Variants in FRMD5 observed in about 807,000 individuals in gnomAD.
The protein encoded by FRMD5 is FERM domain-containing protein 5.
FRMD5 carries 20 observed loss-of-function variants against 69.0 expected under a neutral mutation model. The observed-to-expected ratio is 0.29, with a 90% CI of 0.20 to 0.42. FRMD5 has a LOEUF of 0.42. Ranked by LOEUF, FRMD5 falls within the 10% of genes least tolerant of loss-of-function variation. The probability of loss-of-function intolerance (pLI) is 1.00; values close to 1 mark genes in which losing one functional copy is unlikely to be tolerated. For synonymous variants in FRMD5, 271 were observed against 260.1 expected, an observed-to-expected ratio of 1.04 and a Z score of -0.40; for missense variants, 595 against 708.6, an observed-to-expected ratio of 0.84 and a Z score of 1.82.
chr15:44,179,553 A>G (rs890955359), intron 1 of FRMD5, among the ~76,000 whole-genome samples: 1 of 152,232 alleles, frequency 6.6e-6, no homozygotes, highest in African/African-American at 2.4e-5. Context: ...AGACCAGATC[A>G]TAGATGGAAG....
At chr15:44,002,166 C>G (rs1890243378) in intron 1 of FRMD5, among the ~76,000 whole-genome samples, 2 of 152,090 alleles carry the variant, frequency 1.3e-5, no homozygotes, top group Admixed American at 1.3e-4. Context: ...CTGCCCTGGC[C>G]CAGAATCAGC....
chr15:44,021,691 T>G (rs566536843), intron 1 of FRMD5, among the ~76,000 whole-genome samples: 3 of 152,062 alleles, frequency 2.0e-5, no homozygotes, highest in Admixed American at 6.6e-5. Context: ...AAACTAGAAC[T>G]CTTATATATG....
At chr15:44,048,238 A>G (rs892494488) in intron 1 of FRMD5, among the ~76,000 whole-genome samples, 1 of 152,142 alleles carries the variant, frequency 6.6e-6, no homozygotes, top group African/African-American at 2.4e-5. Context: ...TTGTCTATCC[A>G]TTTAATTATA....
chr15:44,104,817 C>G (rs2076692162), intron 1 of FRMD5, among the ~76,000 whole-genome samples: 1 of 152,156 alleles, frequency 6.6e-6, no homozygotes, highest in African/African-American at 2.4e-5. Flanking sequence ...TGACACATGA[C>G]TGTAACTGGA....
At chr15:43,884,366 CA>C (rs2088611102) in intron 12 of FRMD5, among the ~76,000 whole-genome samples, 1 of 152,154 alleles carries the variant, frequency 6.6e-6, no homozygotes, top group Non-Finnish European at 1.5e-5. Context: ...ATTTTAGAGC[CA>C]GTGTGGCAGG....
At chr15:44,013,532 A>C (rs1307123794) in intron 1 of FRMD5, among the ~76,000 whole-genome samples, 1 of 152,248 alleles carries the variant, frequency 6.6e-6, no homozygotes, top group Non-Finnish European at 1.5e-5. Context: ...TTGCTGAACA[A>C]ATGATTGAAT....
intron 1 of FRMD5, among the ~76,000 whole-genome samples, chr15:44,171,710 G>T (rs2077807027): frequency 6.6e-6 from 1 of 152,078 alleles, no homozygotes. Context: ...ATGAATGATT[G>T]CTATGAACAA....
chr15:44,094,669 G>C (rs886741056), intron 1 of FRMD5, among the ~76,000 whole-genome samples: 4 of 152,064 alleles, frequency 2.6e-5, no homozygotes, highest in Non-Finnish European at 4.4e-5. Flanking sequence ...TAAAAGTTTT[G>C]TGTCATAATG....
chr15:44,150,188 C>T (rs1045879608), intron 1 of FRMD5, among the ~76,000 whole-genome samples: 2 of 152,080 alleles, frequency 1.3e-5, no homozygotes, highest in African/African-American at 4.8e-5. Flanking sequence ...GAAAAATCCA[C>T]AGCAAATATC....
At chr15:44,100,049 T>C (rs537912475) in intron 1 of FRMD5, among the ~76,000 whole-genome samples, 12 of 139,814 alleles carry the variant, frequency 8.6e-5, no homozygotes, top group Admixed American at 3.6e-4. Context: ...CTTCTTCTCT[T>C]TTTTTTTTTT....
chr15:44,099,716 C>T (rs1243975401), intron 1 of FRMD5, among the ~76,000 whole-genome samples: 3 of 152,122 alleles, frequency 2.0e-5, no homozygotes, highest in Non-Finnish European at 2.9e-5. Flanking sequence ...ATCTTTTATC[C>T]TCTACTTGCA....
In FRMD5 at chr15:44,026,473, C is replaced by T. The variant is rs562251523; in HGVS notation, c.103-102164G>A. ...TTTTTTTCCCTTTCCACATTTATAG[C>T]ACATGAACAATTACTTTAAAAGTGA... On this transcript the variant is annotated intron_variant, in intron 1 of 13. Coordinates refer to ENST00000417257, the MANE Select transcript of FRMD5 (RefSeq NM_032892.5). 3.3e-5 allele frequency among the ~76,000 whole-genome samples: 5 copies of T among 152,246 alleles called. 1 individual carries two copies. Among genetic ancestry groups the T allele is most frequent in the African/African-American group, 1.2e-4 (5 of 41,544 alleles).
intron 1 of FRMD5, among the ~76,000 whole-genome samples, chr15:44,015,172 G>A (rs1305888197): frequency 1.3e-5 from 2 of 149,850 alleles, no homozygotes; most frequent in South Asian, 2.1e-4. Flanking sequence ...GTCTCACTCT[G>A]TTGCCTAGGC....
chr15:44,023,184 G>A (rs1891287034), intron 1 of FRMD5, among the ~76,000 whole-genome samples: 1 of 152,136 alleles, frequency 6.6e-6, no homozygotes, highest in Admixed American at 6.6e-5. Flanking sequence ...AGACGTTCTT[G>A]CCCCTGAAAT....
chr15:43,938,070 A>G (rs1020501396), intron 1 of FRMD5, among the ~76,000 whole-genome samples: 5 of 152,018 alleles, frequency 3.3e-5, no homozygotes, highest in African/African-American at 1.2e-4. Flanking sequence ...TCTCTACTAA[A>G]AACACAAAAA....
intron 1 of FRMD5, chr15:44,063,377 A>C (rs994520035): frequency 6.1e-6 from 1 of 162,906 alleles, no homozygotes; most frequent in African/African-American, 2.4e-5. Flanking sequence ...TATGTATTTT[A>C]ATATAAAACA....
intron 12 of FRMD5, 34 bp from the exon 13 acceptor site, chr15:43,883,843 G>A (rs775670072): frequency 6.7e-7 from 1 of 1,500,888 alleles, no homozygotes; most frequent in Admixed American, 1.7e-5. Flanking sequence ...TGTTAATTCA[G>A]TGCATGGACA....
chr15:43,924,385 A>G, intron 1 of FRMD5, 76 bp from the exon 2 acceptor site: 1 of 1,048,216 alleles, frequency 9.5e-7, no homozygotes, highest in Non-Finnish European at 1.5e-6. Context: ...ATAGCCATTA[A>G]AAGTTGTTTG....
chr15:44,060,978 AT>A (rs1404191242), intron 1 of FRMD5, among the ~76,000 whole-genome samples: 2 of 152,214 alleles, frequency 1.3e-5, no homozygotes, highest in African/African-American at 4.8e-5. Flanking sequence ...AATGTCTAGT[AT>A]ACAACATAAA....
Sources: allele counts gnomAD v4.1 joint callset (sites outside exome capture counted in the v4.1 genomes callset), GRCh38; gene constraint gnomAD v4.1.1; transcripts MANE v1.5; gene names NCBI Gene and HGNC (gene_info 2026-07-23, HGNC 2026-07-21).